Variants in EFR3B observed in about 807,000 individuals in gnomAD.
EFR3B encodes the protein protein EFR3 homolog B.
EFR3B carries 64 observed loss-of-function variants against 104.7 expected under a neutral mutation model. The ratio of observed to expected loss-of-function variants is 0.61; its 90% CI spans 0.50 to 0.75. The LOEUF (loss-of-function observed/expected upper bound fraction) is 0.75, where lower values mean the gene tolerates loss of function less well. Ranked by LOEUF, EFR3B falls within the 30% of genes least tolerant of loss-of-function variation. EFR3B has a pLI of 0.00. For synonymous variants in EFR3B, 385 were observed against 417.9 expected (o/e 0.92, Z 0.96); for missense variants, 750 against 1,078.5 (o/e 0.70, Z 4.27).
intron 20 of EFR3B, among the ~76,000 whole-genome samples, chr2:25,150,817 G>A (rs55712386): frequency 6.6e-6 from 1 of 152,050 alleles, no homozygotes; most frequent in Non-Finnish European, 1.5e-5. Flanking sequence ...CACCATGTTG[G>A]CCAGGCTGGT....
At chr2:25,139,306 G>T in intron 16 of EFR3B, 116 bp downstream of exon 16, 2 of 1,270,516 alleles carry the variant, frequency 1.6e-6, no homozygotes, top group Non-Finnish European at 2.1e-6. Flanking sequence ...AGACAGGGTT[G>T]AAGTAAGAAC....
chr2:25,107,403 A>T (rs1306628751), intron 4 of EFR3B, among the ~76,000 whole-genome samples: 1 of 152,114 alleles, frequency 6.6e-6, no homozygotes, highest in African/African-American at 2.4e-5. Flanking sequence ...CTCTTCAGAA[A>T]CCATACCCCC....
chr2:25,088,760 G>T (rs555470266), intron 1 of EFR3B, among the ~76,000 whole-genome samples: 1 of 152,312 alleles, frequency 6.6e-6, no homozygotes, highest in East Asian at 1.9e-4. Context: ...GGAAGTGGCA[G>T]TGCCAGGATT....
Position 25,144,965 on chromosome 2 carries a change from G to T in EFR3B, c.2056G>T (p.Asp686Tyr). ...LPYIPQLTDEDRLSKRRSIGE... is the reference protein window; with the variant it reads ...LPYIPQLTDEYRLSKRRSIGE... The stretch of plus-strand genomic sequence containing the variant: ...CTGGGCTGCTTCTTCCCCAGATGAG[G>T]ATCGTTTATCCAAGAGGAGGAGCAT... Residue 686 changes from aspartate to tyrosine, a missense_variant, in exon 19 of 23, where the codon GAT (aspartate) becomes TAT (tyrosine). Coordinates refer to ENST00000403714, the MANE Select transcript of EFR3B (RefSeq NM_014971.2). The T allele has an allele frequency of 6.4e-7, 1 of 1,551,692 alleles. No homozygotes were observed. The highest frequency in any genetic ancestry group is 8.7e-7 in the Non-Finnish European group (1 of 1,146,990).
In EFR3B at chr2:25,149,714, C is replaced by T; in HGVS notation, c.2163C>T (p.Ile721=). 13 of 1,551,584 alleles carry T rather than the reference C, an allele frequency of 8.4e-6. No homozygotes were observed. Among genetic ancestry groups the T allele is most frequent in the Non-Finnish European group, 1.1e-5 (13 of 1,146,894 alleles). ...EKEERVPAEE[I]TYETLKKAIV... ...TTCAGCGAGTGCCTGCCGAGGAGAT[C>T]ACCTATGAGACACTGAAGAAAGCCA... Residue 721 remains isoleucine, a synonymous_variant, in exon 20 of 23, where the codon ATC becomes ATT. Transcript: ENST00000403714.
intron 1 of EFR3B, among the ~76,000 whole-genome samples, chr2:25,045,142 C>A (rs1000305167): frequency 6.6e-6 from 1 of 152,184 alleles, no homozygotes; most frequent in African/African-American, 2.4e-5. Context: ...GACCTGTTCC[C>A]TCCTTTCCTC....
chr2:25,046,155 G>A (rs1275691075), intron 1 of EFR3B, among the ~76,000 whole-genome samples: 1 of 152,134 alleles, frequency 6.6e-6, no homozygotes, highest in Non-Finnish European at 1.5e-5. Context: ...GGAGGCCAGG[G>A]TGGGTGGATC....
In EFR3B at chr2:25,042,546, G is replaced by A. The variant is rs1667601365; in HGVS notation, c.7+227G>A. ...CTCTCCAGGCCCGGCGCGTGCCGGT[G>A]CTGGGCGGTGGTCCTTCGGGGGGCG... On this transcript the variant is annotated intron_variant, in intron 1 of 22. Transcript: ENST00000403714. The surrounding 1 kb of genome is among the most constrained non-coding windows in gnomAD (Gnocchi z 5.4). 1 of 1,206,390 alleles carries A rather than the reference G, an allele frequency of 8.3e-7. No homozygotes were observed. The highest frequency in any genetic ancestry group is 1.6e-5 in the African/African-American group (1 of 63,488). 74.7% of individuals were successfully genotyped at this position (1,206,390 alleles called of 1,614,324 possible).
At chr2:25,090,674 G>T (rs1286008492) in intron 1 of EFR3B, among the ~76,000 whole-genome samples, 1 of 152,218 alleles carries the variant, frequency 6.6e-6, no homozygotes, top group South Asian at 2.1e-4. Flanking sequence ...CTGTCACACT[G>T]CGTTAAAGAT....
rs1671238239 is a variant in EFR3B at position 25,158,654 on chromosome 2, C to T, written c.*4314C>T. 1 of 152,212 alleles carries T rather than the reference C, an allele frequency of 6.6e-6. No homozygotes were observed. The highest frequency in any genetic ancestry group is 6.5e-5 in the Admixed American group (1 of 15,282). 9.4% of individuals were successfully genotyped at this position (152,212 alleles called of 1,614,324 possible). A position where few individuals can be genotyped will look rare whatever the true frequency, so the allele number is the denominator to read the frequency against. On this transcript the variant is annotated 3_prime_UTR_variant, in exon 23 of 23. Transcript: ENST00000403714. ...GGGGCCAAAGGCAGTTTTCTGTGCT[C>T]CCTTTAGCCCCAGCCTGGCTGGCCA...
intron 3 of EFR3B, among the ~76,000 whole-genome samples, chr2:25,098,865 A>G (rs1476133281): frequency 2.8e-5 from 3 of 105,824 alleles, no homozygotes; most frequent in Non-Finnish European, 5.5e-5. Context: ...TTTCTGTTGC[A>G]AAGGATGGTT....
At chr2:25,113,782 G>C (rs1019455771) in intron 4 of EFR3B, among the ~76,000 whole-genome samples, 1 of 152,194 alleles carries the variant, frequency 6.6e-6, no homozygotes, top group African/African-American at 2.4e-5. Context: ...AATGCCCTGG[G>C]GGAGAAAATG....
Position 25,131,588 on chromosome 2 carries a change from G to T in EFR3B, c.985+85G>T, listed in dbSNP as rs1028923479. On this transcript the variant is annotated intron_variant, in intron 9 of 22. Transcript: ENST00000403714. The surrounding 1 kb of genome is among the most constrained non-coding windows in gnomAD (Gnocchi z 7.6). ...AGAGAGAGGCAAGGGACAACAGGGAGGGGTCGGAGTCCGTTTTCCTCGGGA... is the reference window on the plus strand; with the variant it reads ...AGAGAGAGGCAAGGGACAACAGGGATGGGTCGGAGTCCGTTTTCCTCGGGA... The T allele has an allele frequency of 1.3e-6, 2 of 1,521,322 alleles. No individual in the cohort carries two copies. The highest frequency in any genetic ancestry group is 1.8e-6 in the Non-Finnish European group (2 of 1,129,452). 94.2% of individuals were successfully genotyped at this position (1,521,322 alleles called of 1,614,324 possible).
At chr2:25,148,225 C>A (rs1029529102) in intron 19 of EFR3B, among the ~76,000 whole-genome samples, 2 of 151,260 alleles carry the variant, frequency 1.3e-5, no homozygotes, top group Non-Finnish European at 2.9e-5. Flanking sequence ...CTCCTTGGAA[C>A]CTCAGCAGCC....
chr2:25,121,130 G>A (rs1391712980), intron 4 of EFR3B, among the ~76,000 whole-genome samples: 2 of 152,150 alleles, frequency 1.3e-5, no homozygotes, highest in Non-Finnish European at 2.9e-5. Context: ...TCGAACTCCT[G>A]ACCTCAAATG....
At position 25,128,277 on chromosome 2, in the gene EFR3B, G is replaced by C; in HGVS notation, c.580G>C (p.Asp194His). Reference protein sequence around the residue: ...QANIWDPQHMDKIVPSLLFNL... With the variant: ...QANIWDPQHMHKIVPSLLFNL... Reference sequence around the variant, plus strand: ...CAATATCTGGGACCCACAGCACATGGATAAGATCGTTCCATCACTGCTTTT... The same window carrying C: ...CAATATCTGGGACCCACAGCACATGCATAAGATCGTTCCATCACTGCTTTT... The change falls in exon 6 of 23, where the codon GAT becomes CAT. Residue 194 changes from aspartate to histidine, a missense_variant. Asp to His is a moderately conservative substitution (Grantham distance 81). Coordinates refer to ENST00000403714, the MANE Select transcript of EFR3B (RefSeq NM_014971.2). The C allele has an allele frequency of 6.4e-7, 1 of 1,551,874 alleles. No individual in the cohort carries two copies. Among genetic ancestry groups the C allele is most frequent in the Non-Finnish European group, 8.7e-7 (1 of 1,147,056 alleles).
intron 1 of EFR3B, among the ~76,000 whole-genome samples, chr2:25,048,634 G>C (rs1029159090): frequency 6.6e-6 from 1 of 151,990 alleles, no homozygotes. Context: ...AGCTGTTCCA[G>C]TATAATACAA....
At chr2:25,059,451 T>C (rs1230966033) in intron 1 of EFR3B, among the ~76,000 whole-genome samples, 1 of 151,782 alleles carries the variant, frequency 6.6e-6, no homozygotes, top group Non-Finnish European at 1.5e-5. Context: ...TTGAGGATAT[T>C]ATGGTAATGG....
chr2:25,097,760 G>A (rs571189293), intron 3 of EFR3B, among the ~76,000 whole-genome samples: 2 of 152,274 alleles, frequency 1.3e-5, no homozygotes, highest in East Asian at 3.9e-4. Context: ...TTCCCTTCCA[G>A]TTCAACTCCA....
Sources: allele counts gnomAD v4.1 joint callset (sites outside exome capture counted in the v4.1 genomes callset), GRCh38; gene constraint gnomAD v4.1.1; non-coding constraint Gnocchi (gnomAD v3.1); transcripts MANE v1.5; gene names NCBI Gene and HGNC (gene_info 2026-07-23, HGNC 2026-07-21).